MORC1: variants seen among roughly 807,000 people sequenced by gnomAD.
The protein encoded by MORC1 is MORC family CW-type zinc finger 1, also known as MORC family CW-type zinc finger protein 1.
In MORC1, 59 loss-of-function variants were observed where a neutral mutation model predicts 134.9. The ratio of observed to expected loss-of-function variants is 0.44; its 90% CI spans 0.35 to 0.54. MORC1 has a LOEUF of 0.54. Among genes scored for constraint, MORC1 ranks in the 20% least tolerant of loss-of-function variants. The pLI is 0.00. For synonymous variants in MORC1, 395 were observed against 391.7 expected, an observed-to-expected ratio of 1.01 and a Z score of -0.10; for missense variants, 947 against 1,134.5, an observed-to-expected ratio of 0.83 and a Z score of 2.37.
intron 8 of MORC1, among the ~76,000 whole-genome samples, chr3:109,081,172 A>T (rs1365767236): frequency 6.6e-6 from 1 of 152,166 alleles, no homozygotes; most frequent in African/African-American, 2.4e-5. Flanking sequence ...AAAATAAGAA[A>T]AACAAAGAAA....
chr3:109,105,956 C>T (rs184034840), intron 3 of MORC1, among the ~76,000 whole-genome samples: 227 of 152,252 alleles, frequency 1.5e-3, no homozygotes, highest in African/African-American at 5.3e-3. Context: ...CCTCCTCTCC[C>T]CCTTTAAAGT....
Position 109,086,901 on chromosome 3 carries a change from T to C in MORC1, c.689+6535A>G, listed in dbSNP as rs554035509. On this transcript the variant is annotated intron_variant, in intron 8 of 27. Transcript: ENST00000232603. ...TCAAATTATTTCAAAATTTTAAAAA[T>C]GGTAAGTTATATCTAATATAAAGTG... Among the ~76,000 whole-genome samples, 7 of 152,222 alleles carry C rather than the reference T, an allele frequency of 4.6e-5. No individual in the cohort carries two copies. The South Asian group carries it at 1.4e-3, about 31-fold the overall frequency.
chr3:109,076,974 T>TAAAA lies in MORC1; in HGVS notation c.690-7221_690-7218dup, dbSNP rs10674222. ...ACATGTATCCCAGAACTTAAAGTAT[T>TAAAA]AAAAAAAAAAAAAAAGTTAAGAGAA... On this transcript the variant is annotated intron_variant, in intron 8 of 27. Coordinates refer to ENST00000232603, the MANE Select transcript of MORC1 (RefSeq NM_014429.4). Among the ~76,000 whole-genome samples, 695 of 142,462 alleles carry TAAAA rather than the reference T, an allele frequency of 4.9e-3. 17 individuals carry two copies. Among genetic ancestry groups the TAAAA allele is most frequent in the African/African-American group, 0.017 (658 of 38,478 alleles). 93.5% of individuals were successfully genotyped at this position (142,462 alleles called of 152,430 possible).
chr3:109,057,245 C>T, intron 13 of MORC1, 98 bp downstream of exon 13: 2 of 1,272,854 alleles, frequency 1.6e-6, no homozygotes, highest in Non-Finnish European at 1.1e-6. Context: ...ATGACACTTG[C>T]TCCCATTGTG....
chr3:108,996,286 G>GCGCGCGCACGCACACACACACACACA, intron 21 of MORC1, among the ~76,000 whole-genome samples: 2 of 146,382 alleles, frequency 1.4e-5, no homozygotes, highest in Non-Finnish European at 3.0e-5. Flanking sequence ...GCGCGCGCGC[G>GCGCGCGCACGCACACACACACACACA]CACACACACA....
intron 4 of MORC1, among the ~76,000 whole-genome samples, chr3:109,100,761 A>C (rs9831173): frequency 0.2 from 31,061 of 152,248 alleles, 3,537 homozygotes; most frequent in Middle Eastern, 0.34. Flanking sequence ...TTCAGAAAAA[A>C]ATAAATTGCG....
At chr3:109,041,541 T>C (rs996935951) in intron 14 of MORC1, among the ~76,000 whole-genome samples, 1 of 151,806 alleles carries the variant, frequency 6.6e-6, no homozygotes, top group Non-Finnish European at 1.5e-5. Flanking sequence ...GTAAACCCCA[T>C]CTCTACTAAA....
At chr3:108,964,422 G>A (rs999479751) in intron 26 of MORC1, among the ~76,000 whole-genome samples, 2 of 152,310 alleles carry the variant, frequency 1.3e-5, no homozygotes, top group African/African-American at 4.8e-5. Flanking sequence ...TGACTGGGTT[G>A]CCAAGAAAGT....
At chr3:109,052,832 G>A (rs372588649) in intron 14 of MORC1, among the ~76,000 whole-genome samples, 164 of 152,058 alleles carry the variant, frequency 1.1e-3, no homozygotes, top group African/African-American at 3.9e-3. Flanking sequence ...ATTTACAGAC[G>A]ACCTATAGAA....
chr3:108,990,898 T>TCTCTCTCTCTCTCTCTCTCTCTCTC (rs1559876202), intron 21 of MORC1, among the ~76,000 whole-genome samples: 59 of 145,750 alleles, frequency 4.0e-4, no homozygotes, highest in African/African-American at 1.4e-3. Flanking sequence ...GTTTCTCTCT[T>TCTCTCTCTCTCTCTCTCTCTCTCTC]TCTCTCTCTC....
intron 2 of MORC1, among the ~76,000 whole-genome samples, chr3:109,113,522 G>C (rs1056405640): frequency 3.9e-5 from 6 of 152,154 alleles, no homozygotes; most frequent in South Asian, 4.1e-4. Flanking sequence ...CAGTGGCAGG[G>C]AATTTAGGCT....
At chr3:109,035,105 C>T (rs1328444691) in intron 15 of MORC1, among the ~76,000 whole-genome samples, 1 of 152,126 alleles carries the variant, frequency 6.6e-6, no homozygotes, top group Admixed American at 6.5e-5. Flanking sequence ...CTTGCCTCTA[C>T]TCCCCCATCC....
chr3:108,996,279 C>CGTGCGCGT (rs755053795), intron 21 of MORC1, among the ~76,000 whole-genome samples: 1 of 117,460 alleles, frequency 8.5e-6, no homozygotes, highest in African/African-American at 2.9e-5. Context: ...CGTGCGTGCG[C>CGTGCGCGT]GCGCGCGCAC....
chr3:108,984,306 T>C (rs796224323), intron 23 of MORC1, among the ~76,000 whole-genome samples: 1 of 152,142 alleles, frequency 6.6e-6, no homozygotes, highest in Non-Finnish European at 1.5e-5. Flanking sequence ...AAAATTCTCA[T>C]GTCAAAAAAA....
intron 24 of MORC1, among the ~76,000 whole-genome samples, chr3:108,974,846 T>C (rs1277735092): frequency 1.3e-5 from 2 of 152,262 alleles, no homozygotes. Flanking sequence ...ATCTTGGCTA[T>C]GAAGCCCATC....
At chr3:109,107,643 C>T (rs939627466) in intron 3 of MORC1, among the ~76,000 whole-genome samples, 3 of 152,178 alleles carry the variant, frequency 2.0e-5, no homozygotes, top group African/African-American at 7.2e-5. Flanking sequence ...TTCGAGGCCA[C>T]AGTAAATAAT....
chr3:109,108,225 G>T (rs72937308), intron 3 of MORC1, among the ~76,000 whole-genome samples: 2,036 of 152,142 alleles, frequency 0.013, 28 homozygotes, highest in African/African-American at 0.036. Context: ...ATCTCAACTT[G>T]GTCAAGATCT....
chr3:109,079,206 T>G (rs1950480808), intron 8 of MORC1, among the ~76,000 whole-genome samples: 1 of 151,926 alleles, frequency 6.6e-6, no homozygotes, highest in Non-Finnish European at 1.5e-5. Context: ...TGTGCAAACA[T>G]AAAAGCAAAA....
rs373260808 is a variant in MORC1 at position 109,063,349 on chromosome 3, C to T, written c.816-118G>A. The T allele has an allele frequency of 1.6e-4, 88 of 562,886 alleles. No individual in the cohort carries two copies. In the East Asian group the frequency reaches 2.5e-3, roughly 16 times the overall value. 34.9% of individuals were successfully genotyped at this position (562,886 alleles called of 1,614,324 possible). ...TACATAATTATTAAGAAAGATTCAT[C>T]GAGTGAGTTGCATCCAGCTGGTAAA... On this transcript the variant is annotated intron_variant, in intron 9 of 27. Transcript: ENST00000232603.
Sources: allele counts gnomAD v4.1 joint callset (sites outside exome capture counted in the v4.1 genomes callset), GRCh38; gene constraint gnomAD v4.1.1; transcripts MANE v1.5; gene names NCBI Gene and HGNC (gene_info 2026-07-23, HGNC 2026-07-21).